Variants in NR2F1-AS1 observed in about 807,000 individuals in gnomAD.
NR2F1-AS1 encodes the protein NR2F1 regulatory antisense RNA 1.
At chr5:93,494,308 T>C (rs143213271) in intron 4 of NR2F1-AS1, among the ~76,000 whole-genome samples, 1 of 152,116 alleles carries the variant, frequency 6.6e-6, no homozygotes, top group Non-Finnish European at 1.5e-5. Flanking sequence ...TTCACACCCA[T>C]TAGGATACCT....
intron 4 of NR2F1-AS1, among the ~76,000 whole-genome samples, chr5:93,473,642 A>T (rs867438620): frequency 1.3e-5 from 2 of 150,824 alleles, no homozygotes; most frequent in African/African-American, 4.9e-5. Context: ...AGTATGCTTC[A>T]ATATATATAT....
At chr5:93,492,953 T>C (rs1187604753) in intron 4 of NR2F1-AS1, among the ~76,000 whole-genome samples, 1 of 151,916 alleles carries the variant, frequency 6.6e-6, no homozygotes, top group Non-Finnish European at 1.5e-5. Flanking sequence ...GGTGAAAGAA[T>C]GAAAGCTTTC....
At chr5:93,547,431 C>T (rs747785556) in intron 4 of NR2F1-AS1, among the ~76,000 whole-genome samples, 1 of 152,302 alleles carries the variant, frequency 6.6e-6, no homozygotes, top group Non-Finnish European at 1.5e-5. Flanking sequence ...TCCCTTGAAT[C>T]TCTTTGCATA....
At chr5:93,495,050 T>C (rs969124821) in intron 4 of NR2F1-AS1, among the ~76,000 whole-genome samples, 1 of 152,052 alleles carries the variant, frequency 6.6e-6, no homozygotes, top group Non-Finnish European at 1.5e-5. Flanking sequence ...TCCTTCTACA[T>C]GACAAAAAAA....
At position 93,511,999 on chromosome 5, in the gene NR2F1-AS1, A is replaced by T. The variant is rs140029060; in HGVS notation, n.638+41762T>A. Among the ~76,000 whole-genome samples the T allele has an allele frequency of 1.8e-4, 28 of 152,160 alleles. No homozygotes were observed. In the East Asian group the frequency reaches 5.0e-3, roughly 27 times the overall value. On this transcript the variant is annotated intron_variant and non_coding_transcript_variant, in intron 4 of 5. Transcript: ENST00000660523. ...TAGTACTTGATAATGATAATAAATG[A>T]CTATGTTACTGGCTTATGTATCAAC...
chr5:93,516,127 T>A (rs1751396624), intron 4 of NR2F1-AS1, among the ~76,000 whole-genome samples: 1 of 151,890 alleles, frequency 6.6e-6, no homozygotes, highest in Non-Finnish European at 1.5e-5. Flanking sequence ...ACTGCAGTAT[T>A]TTTCAACATC....
intron 4 of NR2F1-AS1, among the ~76,000 whole-genome samples, chr5:93,412,258 C>T (rs1390822962): frequency 2.0e-5 from 3 of 152,194 alleles, no homozygotes; most frequent in African/African-American, 7.2e-5. Context: ...TTCTCCTCAG[C>T]CTGGAATAAG....
At chr5:93,574,140 A>G (rs914810137) in intron 1 of NR2F1-AS1, among the ~76,000 whole-genome samples, 2 of 152,202 alleles carry the variant, frequency 1.3e-5, no homozygotes, top group African/African-American at 4.8e-5. Flanking sequence ...TGCATGGACA[A>G]GCCTTTGCCA....
chr5:93,487,465 C>A (rs961966604), intron 4 of NR2F1-AS1, among the ~76,000 whole-genome samples: 2 of 151,536 alleles, frequency 1.3e-5, no homozygotes, highest in Non-Finnish European at 3.0e-5. Context: ...AGACAAACAG[C>A]CAAATCATGA....
At chr5:93,469,288 G>A (rs1750315510) in intron 4 of NR2F1-AS1, among the ~76,000 whole-genome samples, 1 of 152,004 alleles carries the variant, frequency 6.6e-6, no homozygotes, top group African/African-American at 2.4e-5. Context: ...CATAGAACAT[G>A]TAACTGTACT....
Position 93,466,907 on chromosome 5 carries a change from G to C in NR2F1-AS1, n.639-71365C>G, listed in dbSNP as rs1022597429. 7.5e-4 allele frequency among the ~76,000 whole-genome samples: 100 copies of C among 134,090 alleles called. 5 individuals are homozygous for C. The highest frequency in any genetic ancestry group is 1.0e-3 in the South Asian group (4 of 3,864). The allele number at this position is 134,090 out of a possible 152,430, so 88.0% of individuals were successfully genotyped here. A position where few individuals can be genotyped will look rare whatever the true frequency, so the allele number is the denominator to read the frequency against. On this transcript the variant is annotated intron_variant and non_coding_transcript_variant, in intron 4 of 5. Transcript: ENST00000660523. ...CTTCTCCAGAATATCCCTTTTTTGG[G>C]GGGGGGGGGGGTGGACGGAGTCTCA...
intron 4 of NR2F1-AS1, among the ~76,000 whole-genome samples, chr5:93,488,317 G>A (rs1005652173): frequency 1.3e-5 from 2 of 152,128 alleles, no homozygotes; most frequent in African/African-American, 4.8e-5. Context: ...TACAGAATGG[G>A]AGAAAATTTT....
chr5:93,435,698 A>C (rs2149848880), intron 4 of NR2F1-AS1, among the ~76,000 whole-genome samples: 1 of 152,254 alleles, frequency 6.6e-6, no homozygotes, highest in Non-Finnish European at 1.5e-5. Flanking sequence ...TTCAAGTCAT[A>C]GTTCTATCAT....
In NR2F1-AS1 at chr5:93,520,767, A is replaced by G. The variant is rs1380211122; in HGVS notation, n.638+32994T>C. On this transcript the variant is annotated intron_variant and non_coding_transcript_variant, in intron 4 of 5. Coordinates refer to ENST00000660523, the Ensembl canonical transcript of NR2F1-AS1. ...GACACAGCTGAAAAAACAGAATAAT[A>G]TAGTACTCCCCTTCTGTGACCATAT... 3.9e-5 allele frequency among the ~76,000 whole-genome samples: 6 copies of G among 152,254 alleles called. No individual in the cohort carries two copies. The East Asian group carries it at 1.2e-3, about 29-fold the overall frequency.
At chr5:93,526,069 T>G (rs1324543941) in intron 4 of NR2F1-AS1, among the ~76,000 whole-genome samples, 1 of 152,106 alleles carries the variant, frequency 6.6e-6, no homozygotes, top group Non-Finnish European at 1.5e-5. Context: ...ATCCAAAAGC[T>G]GGATTTCTTA....
chr5:93,488,478 C>A (rs1236428730), intron 4 of NR2F1-AS1, among the ~76,000 whole-genome samples: 1 of 152,144 alleles, frequency 6.6e-6, no homozygotes, highest in Non-Finnish European at 1.5e-5. Flanking sequence ...ATGCAGCCAA[C>A]AAACATGTGA....
At chr5:93,512,325 G>A (rs1751315072) in intron 4 of NR2F1-AS1, among the ~76,000 whole-genome samples, 1 of 152,194 alleles carries the variant, frequency 6.6e-6, no homozygotes, top group South Asian at 2.1e-4. Flanking sequence ...GGAAATGAAT[G>A]ACTTTTGTGC....
chr5:93,478,551 G>C (rs948433350), intron 4 of NR2F1-AS1, among the ~76,000 whole-genome samples: 1 of 152,012 alleles, frequency 6.6e-6, no homozygotes, highest in African/African-American at 2.4e-5. Context: ...TTACAGGTGT[G>C]TGCCACCACG....
chr5:93,472,687 G>C lies in NR2F1-AS1; in HGVS notation n.639-77145C>G, dbSNP rs573584051. Among the ~76,000 whole-genome samples the C allele has an allele frequency of 3.3e-5, 5 of 151,828 alleles. No individual in the cohort carries two copies. In the South Asian group the frequency reaches 1.0e-3, roughly 32 times the overall value. ...AAAAAAAACAGAAATCACACACACA[G>C]AGTGGTACATTTAGTACCTAAGCAA... On this transcript the variant is annotated intron_variant and non_coding_transcript_variant, in intron 4 of 5. Coordinates refer to ENST00000660523, the Ensembl canonical transcript of NR2F1-AS1.
Sources: allele counts gnomAD v4.1 joint callset (sites outside exome capture counted in the v4.1 genomes callset), GRCh38; gene constraint gnomAD v4.1.1; transcripts MANE v1.5; gene names NCBI Gene and HGNC (gene_info 2026-07-23, HGNC 2026-07-21).